Variants in DGKB observed in about 807,000 individuals in gnomAD.
DGKB encodes 90 kDa diacylglycerol kinase.
A neutral mutation model predicts 114.3 loss-of-function variants in DGKB; 67 were observed. That is an observed-to-expected ratio of 0.59 (90% CI 0.48 to 0.72). The LOEUF (loss-of-function observed/expected upper bound fraction) is 0.72. Ranked by LOEUF, DGKB falls within the 30% of genes least tolerant of loss-of-function variation. The pLI is 0.00. For missense variants in DGKB, 907 were observed against 975.2 expected (o/e 0.93, Z 0.93); for synonymous variants, 398 against 323.1 (o/e 1.23, Z -2.49).
intron 1 of DGKB, among the ~76,000 whole-genome samples, chr7:14,932,880 T>C (rs993397821): frequency 6.6e-6 from 1 of 152,160 alleles, no homozygotes; most frequent in African/African-American, 2.4e-5. Context: ...CAGTGAGTGA[T>C]AGGAACTTTA....
chr7:14,274,647 G>T (rs1798735167), intron 23 of DGKB, among the ~76,000 whole-genome samples: 1 of 152,142 alleles, frequency 6.6e-6, no homozygotes, highest in Non-Finnish European at 1.5e-5. Flanking sequence ...AGGCTGGGAA[G>T]TCCAAGATCA....
intron 1 of DGKB, among the ~76,000 whole-genome samples, chr7:14,942,587 C>T (rs747105458): frequency 2.0e-5 from 3 of 151,924 alleles, no homozygotes; most frequent in Non-Finnish European, 2.9e-5. Context: ...TGTGATTTTG[C>T]ACCTGGTATC....
intron 2 of DGKB, chr7:14,815,249 A>C (rs1295405607): frequency 6.6e-6 from 1 of 152,208 alleles, no homozygotes; most frequent in Non-Finnish European, 1.5e-5. Context: ...CTGTAAGTAA[A>C]GTCTGCATCC....
chr7:14,769,842 C>T (rs1339469733), intron 2 of DGKB, among the ~76,000 whole-genome samples: 1 of 152,064 alleles, frequency 6.6e-6, no homozygotes. Flanking sequence ...ACATGATCTT[C>T]TCCCTTTCTG....
In DGKB at chr7:14,615,878, C is replaced by T. The variant is rs374378673; in HGVS notation, c.1285-2465G>A. Among the ~76,000 whole-genome samples, 7 of 151,558 alleles carry T rather than the reference C, an allele frequency of 4.6e-5. No homozygotes were observed. The East Asian group carries it at 7.7e-4, about 17-fold the overall frequency. Reference sequence around the variant, plus strand: ...GAGAGGTCCATCAAATAAGAACTATCTTTGCATTGTATTGCAATGCAAAAC... The same window carrying T: ...GAGAGGTCCATCAAATAAGAACTATTTTTGCATTGTATTGCAATGCAAAAC... On this transcript the variant is annotated intron_variant, in intron 15 of 25. Transcript: ENST00000402815.
chr7:14,746,206 T>C (rs762835296), intron 4 of DGKB, among the ~76,000 whole-genome samples: 1 of 152,084 alleles, frequency 6.6e-6, no homozygotes, highest in African/African-American at 2.4e-5. Flanking sequence ...TGGTGGCATG[T>C]GCCTATTGTC....
At chr7:14,562,018 C>G (rs1796729810) in intron 20 of DGKB, among the ~76,000 whole-genome samples, 1 of 152,148 alleles carries the variant, frequency 6.6e-6, no homozygotes, top group African/African-American at 2.4e-5. Flanking sequence ...GCCCAGGGCC[C>G]CCCTCATGTG....
intron 20 of DGKB, among the ~76,000 whole-genome samples, chr7:14,493,922 T>TCATACA (rs1439195341): frequency 3.1e-3 from 388 of 125,646 alleles, no homozygotes; most frequent in Middle Eastern, 7.3e-3. Context: ...TATCATGGTA[T>TCATACA]CATACACACA....
intron 1 of DGKB, among the ~76,000 whole-genome samples, chr7:14,962,016 C>T (rs773521867): frequency 2.2e-4 from 33 of 151,828 alleles, no homozygotes; most frequent in Admixed American, 8.5e-4. Flanking sequence ...TTAAGTGGGG[C>T]GATATATTTA....
At chr7:14,154,404 A>G (rs139978746) in intron 25 of DGKB, among the ~76,000 whole-genome samples, 108 of 152,118 alleles carry the variant, frequency 7.1e-4, no homozygotes, top group African/African-American at 2.5e-3. Context: ...ATGGCTGCCT[A>G]GGCCCACCAT....
chr7:14,897,621 A>C (rs1782317139), intron 1 of DGKB, among the ~76,000 whole-genome samples: 1 of 151,968 alleles, frequency 6.6e-6, no homozygotes, highest in Admixed American at 6.6e-5. Context: ...GGTATCAGTA[A>C]AAATTTTAAT....
At chr7:14,374,610 G>A (rs1267727768) in intron 21 of DGKB, among the ~76,000 whole-genome samples, 1 of 152,152 alleles carries the variant, frequency 6.6e-6, no homozygotes, top group Admixed American at 6.5e-5. Flanking sequence ...AATCCTACAT[G>A]ATCTAAATTC....
chr7:14,640,888 T>C (rs1287943163), intron 13 of DGKB, among the ~76,000 whole-genome samples: 1 of 152,188 alleles, frequency 6.6e-6, no homozygotes, highest in Non-Finnish European at 1.5e-5. Flanking sequence ...CTAGTGGTGG[T>C]TAAGAATGTC....
intron 13 of DGKB, among the ~76,000 whole-genome samples, chr7:14,644,999 C>G (rs1252810190): frequency 6.6e-6 from 1 of 152,134 alleles, no homozygotes; most frequent in African/African-American, 2.4e-5. Flanking sequence ...GCTGCCAGTT[C>G]CAGATAGACT....
intron 6 of DGKB, among the ~76,000 whole-genome samples, chr7:14,709,708 T>C (rs965512383): frequency 2.1e-5 from 3 of 145,176 alleles, no homozygotes; most frequent in East Asian, 2.1e-4. Flanking sequence ...CAGTAAACTA[T>C]CGCAAGAACA....
rs537123927 is a variant in DGKB, at chr7:14,456,562, GATGTTCTAGCAAA to G, written c.1835+21586_1835+21598del. ...TGAATAAGTGATGTTTTATTAGGTA[GATGTTCTAGCAAA>G]ACCTAATGCTTTACCTGAGAAGTTA... On this transcript the variant is annotated intron_variant, in intron 21 of 25. Coordinates refer to ENST00000402815, the MANE Select transcript of DGKB (RefSeq NM_001350709.2). Among the ~76,000 whole-genome samples, 1,199 of 152,158 alleles carry G rather than the reference GATGTTCTAGCAAA, an allele frequency of 7.9e-3. 14 individuals carry two copies. The highest frequency in any genetic ancestry group is 0.015 in the South Asian group (73 of 4,826).
At chr7:14,446,350 T>C (rs1830726162) in intron 21 of DGKB, among the ~76,000 whole-genome samples, 1 of 152,184 alleles carries the variant, frequency 6.6e-6, no homozygotes, top group Non-Finnish European at 1.5e-5. Context: ...TTCCTGAGAA[T>C]TTAGGTAAAT....
At chr7:14,770,820 G>A (rs184252095) in intron 2 of DGKB, among the ~76,000 whole-genome samples, 7 of 152,116 alleles carry the variant, frequency 4.6e-5, no homozygotes, top group Non-Finnish European at 8.8e-5. Flanking sequence ...AACTGTTTTA[G>A]CACTGACTGA....
At chr7:14,906,511 T>C (rs1026414469), upstream of DGKB, among the ~76,000 whole-genome samples, 17 of 144,638 alleles carry the variant, frequency 1.2e-4, no homozygotes, top group African/African-American at 4.0e-4. Flanking sequence ...TGGAGTGCAA[T>C]GATGTGATCT....
Sources: allele counts gnomAD v4.1 joint callset (sites outside exome capture counted in the v4.1 genomes callset), GRCh38; gene constraint gnomAD v4.1.1; transcripts MANE v1.5; gene names NCBI Gene and HGNC (gene_info 2026-07-23, HGNC 2026-07-21).